The following USP6NL variants were observed in gnomAD, a reference collection of about 807,000 sequenced individuals.
The protein encoded by USP6NL is USP6 N-terminal like.
A neutral mutation model predicts 61.9 loss-of-function variants in USP6NL; 26 were observed. The ratio of observed to expected loss-of-function variants is 0.42; its 90% CI spans 0.31 to 0.58. The LOEUF (loss-of-function observed/expected upper bound fraction) is 0.58, where lower values mean the gene tolerates loss of function less well. Ranked by LOEUF, USP6NL falls within the 20% of genes least tolerant of loss-of-function variation. The pLI is 0.16. For missense variants in USP6NL, 1,114 were observed against 1,034.3 expected (o/e 1.08, Z -1.06); for synonymous variants, 432 against 390.1 (o/e 1.11, Z -1.27).
rs1164727296 is a variant in USP6NL, at chr10:11,499,706, G to A, written c.384+1395C>T. On this transcript the variant is annotated intron_variant, in intron 7 of 14. Transcript: ENST00000609104. The surrounding 1 kb of genome is among the most constrained non-coding windows in gnomAD (Gnocchi z 4.5). Reference sequence around the variant, plus strand: ...GATGGTAGGCCACCACCAGAGGCTGGAGGAGGCCAGGAAGATGCCTCCCTA... The same window carrying A: ...GATGGTAGGCCACCACCAGAGGCTGAAGGAGGCCAGGAAGATGCCTCCCTA... Among the ~76,000 whole-genome samples, 1 of 152,202 alleles carries A rather than the reference G, an allele frequency of 6.6e-6. No homozygotes were observed. The highest frequency in any genetic ancestry group is 6.5e-5 in the Admixed American group (1 of 15,284).
At position 11,462,328 on chromosome 10, in the gene USP6NL, G is replaced by T; in HGVS notation, c.*113C>A. On this transcript the variant is annotated 3_prime_UTR_variant, in exon 15 of 15. Transcript: ENST00000609104. The stretch of plus-strand genomic sequence containing the variant: ...CTGTATTCTTACTACTAACAGACAG[G>T]AGAGATGTGCGAGTTGTTTACAATA... 2 of 1,221,272 alleles carry T rather than the reference G, an allele frequency of 1.6e-6. No individual in the cohort carries two copies. The highest frequency in any genetic ancestry group is 2.2e-6 in the Non-Finnish European group (2 of 895,814). The allele number at this position is 1,221,272 out of a possible 1,614,324, so 75.7% of individuals were successfully genotyped here.
chr10:11,512,971 T>C (rs1269038987), intron 5 of USP6NL, among the ~76,000 whole-genome samples: 2 of 152,244 alleles, frequency 1.3e-5, no homozygotes, highest in Non-Finnish European at 2.9e-5. Flanking sequence ...GAGAATTATT[T>C]TGATCATTGT....
rs574783901 is a variant in USP6NL at position 11,478,350 on chromosome 10, A to G, written c.1078+3420T>C. ...TGCTGACAGCCACGTTTCATATGGT[A>G]CACGAGTGGGGGATGGAATGTGAGA... On this transcript the variant is annotated intron_variant, in intron 14 of 14. Coordinates refer to ENST00000609104, the MANE Select transcript of USP6NL (RefSeq NM_014688.5). The surrounding 1 kb of genome is among the most constrained non-coding windows in gnomAD (Gnocchi z 6.8). Among the ~76,000 whole-genome samples the G allele has an allele frequency of 7.4e-4, 112 of 152,326 alleles. No homozygotes were observed. Among genetic ancestry groups the G allele is most frequent in the African/African-American group, 2.5e-3 (105 of 41,592 alleles).
rs1007285672 is a variant in USP6NL, at chr10:11,460,586, TAAGAA to T, written c.*1850_*1854del. 9 of 147,612 alleles carry T rather than the reference TAAGAA, an allele frequency of 6.1e-5. No individual in the cohort carries two copies. The highest frequency in any genetic ancestry group is 9.9e-5 in the African/African-American group (4 of 40,490). 9.1% of individuals were successfully genotyped at this position (147,612 alleles called of 1,614,324 possible). On this transcript the variant is annotated 3_prime_UTR_variant, in exon 15 of 15. Coordinates refer to ENST00000609104, the MANE Select transcript of USP6NL (RefSeq NM_014688.5). ...CAGATAAAAAATGTCATAAATGACA[TAAGAA>T]AATAGTGCTTGTGTGTATATATATA...
Position 11,598,815 on chromosome 10 carries a change from A to G in USP6NL, c.-83-1098T>C, listed in dbSNP as rs987592721. ...TCTATATACTGTACTTGCGTCATGTAATATACATGAGAAGTATTTCATTTG... is the reference window on the plus strand; with the variant it reads ...TCTATATACTGTACTTGCGTCATGTGATATACATGAGAAGTATTTCATTTG... On this transcript the variant is annotated intron_variant, in intron 1 of 14. Coordinates refer to ENST00000609104, the MANE Select transcript of USP6NL (RefSeq NM_014688.5). The surrounding 1 kb of genome is among the most constrained non-coding windows in gnomAD (Gnocchi z 4.7). 6.6e-6 allele frequency among the ~76,000 whole-genome samples: 1 copy of G among 152,262 alleles called. No homozygotes were observed. The highest frequency in any genetic ancestry group is 6.5e-5 in the Admixed American group (1 of 15,292).
chr10:11,608,073 T>C (rs1028944179), intron 1 of USP6NL, among the ~76,000 whole-genome samples: 6 of 152,252 alleles, frequency 3.9e-5, no homozygotes, highest in African/African-American at 1.4e-4. Context: ...GGTGGATTGC[T>C]ACTACAGTTT....
chr10:11,544,141 C>A (rs1836182549), intron 2 of USP6NL, among the ~76,000 whole-genome samples: 1 of 151,876 alleles, frequency 6.6e-6, no homozygotes, highest in African/African-American at 2.4e-5. Context: ...GGTAGCCCAA[C>A]CAAATGTTCC....
At chr10:11,477,593 A>C (rs17150419) in intron 14 of USP6NL, among the ~76,000 whole-genome samples, 5,264 of 152,296 alleles carry the variant, frequency 0.035, 242 homozygotes, top group African/African-American at 0.1. Flanking sequence ...AGAAAGAAGG[A>C]AGGCTTCCAA....
chr10:11,580,956 A>T (rs796644614), intron 2 of USP6NL, among the ~76,000 whole-genome samples: 28 of 152,252 alleles, frequency 1.8e-4, no homozygotes, highest in African/African-American at 6.3e-4. Flanking sequence ...GGCCCTAAAT[A>T]TAAAAAGTAC....
In USP6NL at chr10:11,485,036, A is replaced by G; in HGVS notation, c.860T>C (p.Ile287Thr). The G allele has an allele frequency of 6.4e-7, 1 of 1,551,430 alleles. No individual in the cohort carries two copies. The highest frequency in any genetic ancestry group is 8.7e-7 in the Non-Finnish European group (1 of 1,146,976). ...PFTLNLRIWDIYIFEGERVLT... is the reference protein window; with the variant it reads ...PFTLNLRIWDTYIFEGERVLT... ...AACTCGTTCTCCTTCAAAGATGTAG[A>G]TATCCCATATTCTGAGGTTTAGTGT... Residue 287 changes from isoleucine (I) to threonine (T), a missense_variant, in exon 13 of 15, where the codon ATC (isoleucine) becomes ACC (threonine). By Grantham distance (89) the Ile-to-Thr change is moderately conservative. Coordinates refer to ENST00000609104, the MANE Select transcript of USP6NL (RefSeq NM_014688.5). The surrounding 1 kb of genome is among the most constrained non-coding windows in gnomAD (Gnocchi z 4.8).
At chr10:11,503,477 T>C (rs1031876200) in intron 6 of USP6NL, among the ~76,000 whole-genome samples, 21 of 151,898 alleles carry the variant, frequency 1.4e-4, no homozygotes, top group African/African-American at 4.8e-4. Context: ...AATCTGGGGG[T>C]GGAAATAAAA....
chr10:11,572,117 G>A (rs923117718), intron 2 of USP6NL, among the ~76,000 whole-genome samples: 1 of 151,664 alleles, frequency 6.6e-6, no homozygotes, highest in African/African-American at 2.4e-5. Flanking sequence ...TATATTCCAA[G>A]TAACTATGAT....
chr10:11,469,353 G>A (rs1463729800), intron 14 of USP6NL, among the ~76,000 whole-genome samples: 1 of 152,208 alleles, frequency 6.6e-6, no homozygotes, highest in Non-Finnish European at 1.5e-5. Flanking sequence ...ATGAGTTAGA[G>A]TAATGACACA....
At position 11,474,279 on chromosome 10, in the gene USP6NL, T is replaced by G. The variant is rs565296184; in HGVS notation, c.1078+7491A>C. Among the ~76,000 whole-genome samples, 4 of 152,352 alleles carry G rather than the reference T, an allele frequency of 2.6e-5. No homozygotes were observed. Among genetic ancestry groups the G allele is most frequent in the African/African-American group, 9.6e-5 (4 of 41,582 alleles). On this transcript the variant is annotated intron_variant, in intron 14 of 14. Transcript: ENST00000609104. This position sits in a 1 kb window ranked among gnomAD's most constrained non-coding sequence, Gnocchi z 4.9. The stretch of plus-strand genomic sequence containing the variant: ...GCCTTCTTATGCCAATTTAAAAATA[T>G]GCAAATGAGTCACTGATTTGAACTT...
Position 11,518,604 on chromosome 10 carries a change from T to C in USP6NL, c.156-30A>G, listed in dbSNP as rs777918146. The C allele has an allele frequency of 6.9e-6, 11 of 1,590,324 alleles. No individual in the cohort carries two copies. Among genetic ancestry groups the C allele is most frequent in the Non-Finnish European group, 9.4e-6 (11 of 1,167,318 alleles). ...AGAGGAAAAACAGTATTATATGAAATTGTTGAAATCAAAACAAACTTTTAA... is the reference window on the plus strand; with the variant it reads ...AGAGGAAAAACAGTATTATATGAAACTGTTGAAATCAAAACAAACTTTTAA... On this transcript the variant is annotated intron_variant, in intron 4 of 14. Coordinates refer to ENST00000609104, the MANE Select transcript of USP6NL (RefSeq NM_014688.5). The surrounding 1 kb of genome is among the most constrained non-coding windows in gnomAD (Gnocchi z 5.3).
At chr10:11,493,762 C>A (rs906946460) in intron 7 of USP6NL, among the ~76,000 whole-genome samples, 1 of 152,022 alleles carries the variant, frequency 6.6e-6, no homozygotes, top group Non-Finnish European at 1.5e-5. Flanking sequence ...CCTGCCTGTG[C>A]GGCCGGACCT....
At chr10:11,567,170 A>G (rs753756634) in intron 2 of USP6NL, among the ~76,000 whole-genome samples, 5 of 152,246 alleles carry the variant, frequency 3.3e-5, no homozygotes, top group Non-Finnish European at 5.9e-5. Context: ...CATTGCAGTC[A>G]ATTTCATTCT....
intron 2 of USP6NL, among the ~76,000 whole-genome samples, chr10:11,569,202 A>G (rs545765679): frequency 6.6e-6 from 1 of 152,248 alleles, no homozygotes; most frequent in Non-Finnish European, 1.5e-5. Context: ...ATATAAGCTG[A>G]AAACGATTAT....
At chr10:11,588,339 T>C (rs1224202715) in intron 2 of USP6NL, among the ~76,000 whole-genome samples, 1 of 152,240 alleles carries the variant, frequency 6.6e-6, no homozygotes, top group African/African-American at 2.4e-5. Context: ...TAGATAAGTC[T>C]AATCTATCTA....
Sources: gnomAD v4.1 joint callset for allele counts (sites outside exome capture counted in the v4.1 genomes callset) on GRCh38, gnomAD v4.1.1 for gene constraint, Gnocchi (gnomAD v3.1) non-coding constraint, MANE v1.5 for transcripts, NCBI Gene and HGNC (gene_info 2026-07-23, HGNC 2026-07-21) for gene names.